FHIT: variants seen among roughly 807,000 people sequenced by gnomAD.
FHIT encodes fragile histidine triad diadenosine triphosphatase.
FHIT carries 19 observed loss-of-function variants against 17.9 expected under a neutral mutation model. The observed-to-expected ratio is 1.06, with a 90% CI of 0.74 to 1.56. The LOEUF is 1.56. FHIT is among the 40% of genes most tolerant of loss of function. FHIT has a pLI of 0.00. For synonymous variants in FHIT, 81 were observed against 69.7 expected (o/e 1.16, Z -0.81); for missense variants, 248 against 189.2 (o/e 1.31, Z -1.82).
At chr3:61,059,973 C>T (rs1238390499) in intron 2 of FHIT, among the ~76,000 whole-genome samples, 1 of 152,006 alleles carries the variant, frequency 6.6e-6, no homozygotes, top group African/African-American at 2.4e-5. Flanking sequence ...ACATGGTCCC[C>T]ATCTTAGTGA....
At chr3:60,672,469 G>A (rs1465316932) in intron 4 of FHIT, among the ~76,000 whole-genome samples, 2 of 152,146 alleles carry the variant, frequency 1.3e-5, no homozygotes, top group Non-Finnish European at 2.9e-5. Context: ...CTTTCACAAG[G>A]TAATGTCATC....
chr3:60,385,392 G>A (rs1452970928), intron 5 of FHIT, among the ~76,000 whole-genome samples: 1 of 152,142 alleles, frequency 6.6e-6, no homozygotes, highest in African/African-American at 2.4e-5. Context: ...TCAGGTGCAG[G>A]AAATCAAAAG....
chr3:60,445,504 T>A (rs1298879379), intron 5 of FHIT, among the ~76,000 whole-genome samples: 1 of 152,002 alleles, frequency 6.6e-6, no homozygotes, highest in Non-Finnish European at 1.5e-5. Context: ...AACAAAGTAA[T>A]GGCTCTTCTC....
intron 5 of FHIT, among the ~76,000 whole-genome samples, chr3:60,473,867 G>C (rs1559943631): frequency 6.6e-6 from 1 of 152,012 alleles, no homozygotes; most frequent in South Asian, 2.1e-4. Flanking sequence ...AGGTTGCAGT[G>C]AGCTGAGATC....
chr3:61,164,084 C>T (rs2037769184), intron 2 of FHIT, among the ~76,000 whole-genome samples: 1 of 152,156 alleles, frequency 6.6e-6, no homozygotes, highest in South Asian at 2.1e-4. Context: ...GGAGAGACTG[C>T]ATTTTGATGT....
At position 60,443,411 on chromosome 3, in the gene FHIT, G is replaced by C. The variant is rs1190665884; in HGVS notation, c.103+93449C>G. On this transcript the variant is annotated intron_variant, in intron 5 of 9. Coordinates refer to ENST00000492590, the MANE Select transcript of FHIT (RefSeq NM_002012.4). ...TCAGTATGATATTGGCTGTGGGTTT[G>C]TCATAAACAGCTTTTATTATTTTGA... Among the ~76,000 whole-genome samples the C allele has an allele frequency of 2.0e-5, 3 of 152,180 alleles. No homozygotes were observed. In the East Asian group the frequency reaches 5.8e-4, roughly 30 times the overall value.
intron 2 of FHIT, among the ~76,000 whole-genome samples, chr3:61,134,087 T>TCACACACA (rs1213911703): frequency 3.1e-4 from 13 of 42,582 alleles, no homozygotes; most frequent in African/African-American, 1.1e-3. Flanking sequence ...AGACTCTGTC[T>TCACACACA]CACACACACA....
chr3:60,231,746 C>T (rs1223558227), intron 5 of FHIT, among the ~76,000 whole-genome samples: 1 of 152,110 alleles, frequency 6.6e-6, no homozygotes, highest in Non-Finnish European at 1.5e-5. Context: ...AATAGATGAG[C>T]ACATTGATGT....
rs971595923 is a variant in FHIT, at chr3:60,018,828, A to G, written c.104-4676T>C. ...CCCCATCTCTACTAAAAATACAAAAAAAACAGCTGGGCATGGTGGCGGGCA... is the reference window on the plus strand; with the variant it reads ...CCCCATCTCTACTAAAAATACAAAAGAAACAGCTGGGCATGGTGGCGGGCA... On this transcript the variant is annotated intron_variant, in intron 5 of 9. Coordinates refer to ENST00000492590, the MANE Select transcript of FHIT (RefSeq NM_002012.4). Among the ~76,000 whole-genome samples the G allele has an allele frequency of 3.2e-4, 49 of 151,742 alleles. 1 individual carries two copies. The highest frequency in any genetic ancestry group is 1.2e-3 in the African/African-American group (48 of 41,328).
At chr3:60,619,716 C>A (rs1350003079) in intron 4 of FHIT, among the ~76,000 whole-genome samples, 2 of 151,502 alleles carry the variant, frequency 1.3e-5, no homozygotes, top group Non-Finnish European at 2.9e-5. Flanking sequence ...CATAGAACTC[C>A]TAGAAAATAA....
chr3:60,679,912 A>G (rs2040707414), intron 4 of FHIT, among the ~76,000 whole-genome samples: 1 of 152,114 alleles, frequency 6.6e-6, no homozygotes, highest in African/African-American at 2.4e-5. Flanking sequence ...ATATATTTAT[A>G]GTTATTCTTG....
intron 5 of FHIT, among the ~76,000 whole-genome samples, chr3:60,499,279 C>T (rs2034425805): frequency 6.6e-6 from 1 of 152,154 alleles, no homozygotes; most frequent in Non-Finnish European, 1.5e-5. Flanking sequence ...TCTGCTTTTT[C>T]TTAAATCTCA....
At chr3:59,869,648 ATT>A (rs34995397) in intron 8 of FHIT, among the ~76,000 whole-genome samples, 66 of 145,776 alleles carry the variant, frequency 4.5e-4, no homozygotes, top group Middle Eastern at 3.5e-3. Flanking sequence ...CGCCCAGCTA[ATT>A]TTTTTTTTTT....
chr3:60,173,749 G>A (rs1017573513), intron 5 of FHIT, among the ~76,000 whole-genome samples: 2 of 151,384 alleles, frequency 1.3e-5, no homozygotes, highest in African/African-American at 2.4e-5. Context: ...GTCAGGAGGA[G>A]CCCTTTCTCT....
chr3:60,177,214 T>A, intron 5 of FHIT, among the ~76,000 whole-genome samples: 2 of 136,496 alleles, frequency 1.5e-5, no homozygotes, highest in African/African-American at 2.8e-5. Flanking sequence ...AAATAAATAA[T>A]AAGGAGGGGA....
intron 4 of FHIT, among the ~76,000 whole-genome samples, chr3:60,709,707 T>G (rs1473503911): frequency 6.6e-6 from 1 of 152,204 alleles, no homozygotes; most frequent in African/African-American, 2.4e-5. Flanking sequence ...TGACCTTTTA[T>G]TAGAAAAAGT....
At chr3:61,157,401 T>G (rs747910864) in intron 2 of FHIT, among the ~76,000 whole-genome samples, 23 of 152,116 alleles carry the variant, frequency 1.5e-4, no homozygotes, top group Non-Finnish European at 3.1e-4. Context: ...AAGAGAAACT[T>G]GAGCACATAT....
chr3:60,534,271 CAAAAAA>C (rs34837102), intron 5 of FHIT, among the ~76,000 whole-genome samples: 1 of 130,980 alleles, frequency 7.6e-6, no homozygotes, highest in Non-Finnish European at 1.6e-5. Context: ...ACTAAAAATA[CAAAAAA>C]AAAAAATTAG....
rs189419260 is a variant in FHIT, at chr3:61,186,288, G to A, written c.-164+14329C>T. ...CTGCCCTGTACTCCACTTACCCAGA[G>A]AGTCTCTCCCAGTCCTGCCAAGCAA... On this transcript the variant is annotated intron_variant, in intron 2 of 9. Transcript: ENST00000492590. 2.7e-4 allele frequency among the ~76,000 whole-genome samples: 41 copies of A among 152,302 alleles called. 1 individual carries two copies. In the East Asian group the frequency reaches 4.8e-3, roughly 18 times the overall value.
Sources: gnomAD v4.1 joint callset for allele counts (sites outside exome capture counted in the v4.1 genomes callset) on GRCh38, gnomAD v4.1.1 for gene constraint, MANE v1.5 for transcripts, NCBI Gene and HGNC (gene_info 2026-07-23, HGNC 2026-07-21) for gene names.